Variants in LRRTM4 observed in about 807,000 individuals in gnomAD.
LRRTM4 encodes leucine-rich repeat transmembrane neuronal protein 4.
In LRRTM4, 25 loss-of-function variants were observed where a neutral mutation model predicts 47.6. The ratio of observed to expected loss-of-function variants is 0.53; its 90% CI spans 0.38 to 0.73. LRRTM4 has a LOEUF of 0.73. LRRTM4 is among the 30% of genes least tolerant of loss of function. The pLI is 0.00. For synonymous variants in LRRTM4, 311 were observed against 269.5 expected (o/e 1.15, Z -1.51); for missense variants, 638 against 713.4 (o/e 0.89, Z 1.20).
At chr2:77,485,968 T>G (rs1182446761) in intron 3 of LRRTM4, among the ~76,000 whole-genome samples, 1 of 151,944 alleles carries the variant, frequency 6.6e-6, no homozygotes, top group Non-Finnish European at 1.5e-5. Context: ...CCAACTCCTG[T>G]GCTCAAGCTA....
At chr2:77,034,166 T>C (rs185419806) in intron 3 of LRRTM4, among the ~76,000 whole-genome samples, 4 of 151,962 alleles carry the variant, frequency 2.6e-5, no homozygotes, top group African/African-American at 9.6e-5. Flanking sequence ...AAATTTTCAT[T>C]ATAGAATCCA....
chr2:76,909,355 A>G (rs919656923), intron 3 of LRRTM4, among the ~76,000 whole-genome samples: 2 of 152,212 alleles, frequency 1.3e-5, no homozygotes, highest in Non-Finnish European at 2.9e-5. Context: ...AAGATGGATT[A>G]AAGACTTAAA....
chr2:77,062,030 T>C (rs1679803639), intron 3 of LRRTM4, among the ~76,000 whole-genome samples: 1 of 152,206 alleles, frequency 6.6e-6, no homozygotes, highest in Non-Finnish European at 1.5e-5. Context: ...TGTTCCAGAA[T>C]ATGCTTGTGA....
intron 3 of LRRTM4, among the ~76,000 whole-genome samples, chr2:77,067,444 G>A (rs949248501): frequency 2.6e-5 from 4 of 151,934 alleles, no homozygotes; most frequent in South Asian, 2.1e-4. Flanking sequence ...AAAAAAAGGA[G>A]AGCCTCCACT....
At chr2:77,094,819 T>C (rs1202789443) in intron 3 of LRRTM4, among the ~76,000 whole-genome samples, 1 of 152,164 alleles carries the variant, frequency 6.6e-6, no homozygotes, top group Non-Finnish European at 1.5e-5. Context: ...AGACCCCAAA[T>C]TGCAAAGCTG....
intron 3 of LRRTM4, among the ~76,000 whole-genome samples, chr2:77,136,222 C>T (rs963965384): frequency 3.3e-5 from 5 of 152,166 alleles, no homozygotes; most frequent in Non-Finnish European, 7.4e-5. Context: ...CTGGGAGGCA[C>T]CCTCCAGTAG....
intron 3 of LRRTM4, among the ~76,000 whole-genome samples, chr2:77,168,107 T>C (rs955893241): frequency 7.2e-5 from 11 of 152,146 alleles, no homozygotes; most frequent in African/African-American, 2.7e-4. Context: ...TGTATTTATG[T>C]GTGCATGTGG....
rs1491586479 is a variant in LRRTM4, at chr2:77,260,375, G to GTGTGTGTA, written c.1551+257942_1551+257943insTACACACA. Among the ~76,000 whole-genome samples, 10 of 5,464 alleles carry GTGTGTGTA rather than the reference G, an allele frequency of 1.8e-3. 1 individual carries two copies. The highest frequency in any genetic ancestry group is 0.015 in the Admixed American group (3 of 198). 3.6% of individuals were successfully genotyped at this position (5,464 alleles called of 152,430 possible). On this transcript the variant is annotated intron_variant, in intron 3 of 3. Coordinates refer to ENST00000409884, the MANE Select transcript of LRRTM4 (RefSeq NM_001134745.3). ...AAATTGGAAGTACTACCAAAAAATC[G>GTGTGTGTA]TGTGTGTGTGTGTGTGTGTGTGTGT...
At position 76,797,047 on chromosome 2, in the gene LRRTM4, T is replaced by G. The variant is rs190204441; in HGVS notation, c.1552-48131A>C. 3.8e-3 allele frequency among the ~76,000 whole-genome samples: 578 copies of G among 152,184 alleles called. 4 individuals carry two copies. Among genetic ancestry groups the G allele is most frequent in the Non-Finnish European group, 5.7e-3 (385 of 68,018 alleles). ...ACAAGTTGGAAAACACTCTGCAGGA[T>G]ATTATCCAGGAGAACTTCCCCAATC... On this transcript the variant is annotated intron_variant, in intron 3 of 3. Transcript: ENST00000409884.
chr2:77,131,982 G>C (rs901103279), intron 3 of LRRTM4, among the ~76,000 whole-genome samples: 1 of 152,134 alleles, frequency 6.6e-6, no homozygotes, highest in East Asian at 1.9e-4. Flanking sequence ...ATAACCTCAA[G>C]TATTTATCAT....
intron 3 of LRRTM4, among the ~76,000 whole-genome samples, chr2:76,850,346 G>T (rs1311470870): frequency 6.6e-6 from 1 of 152,272 alleles, no homozygotes; most frequent in South Asian, 2.1e-4. Context: ...GGAAGCAATT[G>T]TGTGGAAGAC....
chr2:77,482,028 C>T (rs1474632441), intron 3 of LRRTM4, among the ~76,000 whole-genome samples: 2 of 152,024 alleles, frequency 1.3e-5, no homozygotes, highest in Non-Finnish European at 2.9e-5. Context: ...TTCTAACCAG[C>T]TAGATGAAGA....
At chr2:77,078,502 C>A (rs1275050194) in intron 3 of LRRTM4, among the ~76,000 whole-genome samples, 1 of 151,976 alleles carries the variant, frequency 6.6e-6, no homozygotes, top group East Asian at 1.9e-4. Flanking sequence ...TGAACTTGTT[C>A]TTCATTATAA....
At chr2:76,781,298 G>T (rs1181730098) in intron 3 of LRRTM4, among the ~76,000 whole-genome samples, 1 of 152,234 alleles carries the variant, frequency 6.6e-6, no homozygotes, top group Non-Finnish European at 1.5e-5. Flanking sequence ...GAGCTTCCTG[G>T]CTGCTTTGTT....
intron 3 of LRRTM4, among the ~76,000 whole-genome samples, chr2:77,157,503 C>A (rs918942763): frequency 1.3e-5 from 2 of 151,986 alleles, no homozygotes; most frequent in African/African-American, 4.8e-5. Flanking sequence ...ATTTCTATTT[C>A]ATTATTGCTT....
At chr2:76,838,197 TTAATA>T (rs1671573759) in intron 3 of LRRTM4, among the ~76,000 whole-genome samples, 1 of 151,920 alleles carries the variant, frequency 6.6e-6, no homozygotes, top group Admixed American at 6.6e-5. Flanking sequence ...AGTCAAGAAA[TTAATA>T]TAAAAGAGGT....
chr2:76,860,364 T>C (rs1352921228), intron 3 of LRRTM4, among the ~76,000 whole-genome samples: 1 of 152,172 alleles, frequency 6.6e-6, no homozygotes, highest in African/African-American at 2.4e-5. Flanking sequence ...TCAATAATGA[T>C]GACAAATTAG....
chr2:76,928,474 A>T, intron 3 of LRRTM4, among the ~76,000 whole-genome samples: 1 of 152,106 alleles, frequency 6.6e-6, no homozygotes, highest in East Asian at 1.9e-4. Flanking sequence ...TCCACGGAGG[A>T]GCTTTGAGGA....
At chr2:76,862,441 G>A (rs1056438587) in intron 3 of LRRTM4, among the ~76,000 whole-genome samples, 4 of 152,304 alleles carry the variant, frequency 2.6e-5, no homozygotes, top group African/African-American at 9.6e-5. Context: ...CATGGAAAGA[G>A]TGTTAAAAGC....
Sources: gnomAD v4.1 joint callset for allele counts (sites outside exome capture counted in the v4.1 genomes callset) on GRCh38, gnomAD v4.1.1 for gene constraint, MANE v1.5 for transcripts, NCBI Gene and HGNC (gene_info 2026-07-23, HGNC 2026-07-21) for gene names.